RTN4IP1: variants seen among roughly 807,000 people sequenced by gnomAD.
RTN4IP1 encodes reticulon 4 interacting protein 1.
A neutral mutation model predicts 46.6 loss-of-function variants in RTN4IP1; 32 were observed. The observed-to-expected ratio is 0.69, with a 90% CI of 0.52 to 0.92. The LOEUF is 0.92. Among genes scored for constraint, RTN4IP1 ranks in the 40% least tolerant of loss-of-function variants. The probability of loss-of-function intolerance (pLI) is 0.00; values close to 1 mark genes in which losing one functional copy is unlikely to be tolerated. For synonymous variants in RTN4IP1, 167 were observed against 161.8 expected (o/e 1.03, Z -0.24); for missense variants, 424 against 485.8 (o/e 0.87, Z 1.20).
At chr6:106,611,423 C>T (rs957952772) in intron 4 of RTN4IP1, among the ~76,000 whole-genome samples, 2 of 152,134 alleles carry the variant, frequency 1.3e-5, no homozygotes, top group Admixed American at 6.5e-5. Context: ...CTATTAAATC[C>T]TAATGACTTA....
intron 5 of RTN4IP1, among the ~76,000 whole-genome samples, chr6:106,594,388 G>C (rs995912144): frequency 1.3e-5 from 2 of 151,960 alleles, no homozygotes; most frequent in Admixed American, 1.3e-4. Flanking sequence ...GCATGCCTGT[G>C]GTCCCAGCTA....
intron 5 of RTN4IP1, among the ~76,000 whole-genome samples, chr6:106,594,500 AT>A (rs1027071364): frequency 3.9e-5 from 6 of 151,916 alleles, no homozygotes; most frequent in African/African-American, 1.5e-4. Flanking sequence ...ACAGAGTGAG[AT>A]TCTGTCTCAA....
chr6:106,590,810 G>A (rs1027605046), intron 6 of RTN4IP1, among the ~76,000 whole-genome samples: 14 of 149,332 alleles, frequency 9.4e-5, no homozygotes, highest in African/African-American at 2.4e-4. Flanking sequence ...CTCTCAAGGC[G>A]CCCAAAGAGG....
chr6:106,598,503 A>C (rs2114650229), intron 5 of RTN4IP1, among the ~76,000 whole-genome samples: 1 of 150,566 alleles, frequency 6.6e-6, no homozygotes, highest in South Asian at 2.1e-4. Flanking sequence ...TCTTTTGAGA[A>C]GTGTCTGTTC....
intron 4 of RTN4IP1, among the ~76,000 whole-genome samples, chr6:106,607,266 G>T (rs1776101848): frequency 6.6e-6 from 1 of 151,140 alleles, no homozygotes; most frequent in Non-Finnish European, 1.5e-5. Context: ...ATGAATTAAA[G>T]ACTTAAACAT....
At chr6:106,605,872 G>A (rs1189483451) in intron 4 of RTN4IP1, among the ~76,000 whole-genome samples, 4 of 147,278 alleles carry the variant, frequency 2.7e-5, no homozygotes, top group Middle Eastern at 3.6e-3. Flanking sequence ...ACACTACTGC[G>A]CTCACCCAGG....
At position 106,619,461 on chromosome 6, in the gene RTN4IP1, G is replaced by A. The variant is rs188344754; in HGVS notation, c.496-135C>T. 304 of 1,005,598 alleles carry A rather than the reference G, an allele frequency of 3.0e-4. No individual in the cohort carries two copies. In the South Asian group the frequency reaches 4.7e-3, roughly 15 times the overall value. 62.3% of individuals were successfully genotyped at this position (1,005,598 alleles called of 1,614,324 possible). A position where few individuals can be genotyped will look rare whatever the true frequency, so the allele number is the denominator to read the frequency against. On this transcript the variant is annotated intron_variant, in intron 3 of 8. Transcript: ENST00000369063. ...TTGAATTGTGCAAGTCCACTTATAC[G>A]TGGATTTCCTGCCTCTGCCACCTCT... is the stretch of plus-strand genomic sequence containing the variant.
intron 5 of RTN4IP1, among the ~76,000 whole-genome samples, chr6:106,599,564 C>T (rs1331931235): frequency 1.3e-5 from 2 of 151,658 alleles, no homozygotes; most frequent in Non-Finnish European, 2.9e-5. Context: ...TGTACTTTTG[C>T]ATCTGATTTC....
chr6:106,613,471 G>A (rs908833340), intron 4 of RTN4IP1, among the ~76,000 whole-genome samples: 1 of 152,172 alleles, frequency 6.6e-6, no homozygotes, highest in Non-Finnish European at 1.5e-5. Context: ...TTAAAAAAAT[G>A]TAAGAATTTA....
At position 106,587,678 on chromosome 6, in the gene RTN4IP1, CCT is replaced by C. The variant is rs777185070; in HGVS notation, c.989_990del (p.Lys330ThrfsTer22). 1 of 1,607,076 alleles carries C rather than the reference CCT, an allele frequency of 6.2e-7. No individual in the cohort carries two copies. Among genetic ancestry groups the C allele is most frequent in the Non-Finnish European group, 8.5e-7 (1 of 1,176,226 alleles). On this transcript the variant is annotated frameshift_variant and splice_region_variant, in exon 7 of 9. Transcript: ENST00000369063. LOFTEE classifies it high-confidence loss of function. ...TCACCAACCAAGACCCTTCTTCCTA[CCT>C]TTAATGCCTTTGAACCTACAGTGAC... ...TGVTVGSKAL[K>X]HFWKGVHYRW... is the part of the protein sequence containing the mutation.
At position 106,594,794 on chromosome 6, in the gene RTN4IP1, T is replaced by C. The variant is rs111813191; in HGVS notation, c.670-2494A>G. Among the ~76,000 whole-genome samples, 417 of 152,220 alleles carry C rather than the reference T, an allele frequency of 2.7e-3. 4 individuals are homozygous for C. Among genetic ancestry groups the C allele is most frequent in the African/African-American group, 9.5e-3 (394 of 41,546 alleles). ...TTTAAATCTCTTTTTTTATTATTTA[T>C]TTTTGGGTTGTTTTGGTTTTTTATT... On this transcript the variant is annotated intron_variant, in intron 5 of 8. Coordinates refer to ENST00000369063, the MANE Select transcript of RTN4IP1 (RefSeq NM_032730.5).
At chr6:106,612,532 C>T (rs531471478) in intron 4 of RTN4IP1, among the ~76,000 whole-genome samples, 13 of 151,870 alleles carry the variant, frequency 8.6e-5, no homozygotes, top group Non-Finnish European at 1.8e-4. Flanking sequence ...GGAACCCTAG[C>T]AATATTTTGC....
At chr6:106,629,638 C>T (rs767932701), upstream of RTN4IP1, 11 of 1,581,998 alleles carry the variant, frequency 7.0e-6, no homozygotes, top group African/African-American at 5.4e-5. Context: ...ACCTCTTTTT[C>T]CCCCTTGCCT....
chr6:106,623,055 T>C, intron 1 of RTN4IP1, 86 bp from the exon 2 acceptor site: 1 of 1,315,548 alleles, frequency 7.6e-7, no homozygotes, highest in Non-Finnish European at 1.1e-6. Context: ...CAGTACAATT[T>C]TAGGTCTTCA....
intron 4 of RTN4IP1, among the ~76,000 whole-genome samples, chr6:106,612,356 C>A (rs1226468504): frequency 2.4e-5 from 3 of 126,366 alleles, no homozygotes. Flanking sequence ...CACTGCACAC[C>A]AACCTGGGCG....
At chr6:106,627,385 C>G (rs1776674218) in intron 1 of RTN4IP1, among the ~76,000 whole-genome samples, 1 of 152,096 alleles carries the variant, frequency 6.6e-6, no homozygotes, top group South Asian at 2.1e-4. Flanking sequence ...GTAAAAATTA[C>G]TCATAGATAA....
intron 2 of RTN4IP1, among the ~76,000 whole-genome samples, chr6:106,622,564 T>C (rs191516527): frequency 6.6e-6 from 1 of 152,352 alleles, no homozygotes; most frequent in East Asian, 1.9e-4. Flanking sequence ...TCTCTACTGC[T>C]GCAGAGGCAG....
chr6:106,582,623 A>G (rs1775396105), intron 8 of RTN4IP1, among the ~76,000 whole-genome samples: 1 of 152,174 alleles, frequency 6.6e-6, no homozygotes, highest in Admixed American at 6.5e-5. Context: ...CATAAAAAAT[A>G]TCAGCACCAG....
At chr6:106,576,903 C>T (rs567967369) in intron 8 of RTN4IP1, among the ~76,000 whole-genome samples, 3 of 152,170 alleles carry the variant, frequency 2.0e-5, no homozygotes, top group Admixed American at 2.0e-4. Context: ...CCACCATCTA[C>T]TGGGTCAAGT....
Sources: allele counts gnomAD v4.1 joint callset (sites outside exome capture counted in the v4.1 genomes callset), GRCh38; gene constraint gnomAD v4.1.1; transcripts MANE v1.5; gene names NCBI Gene and HGNC (gene_info 2026-07-23, HGNC 2026-07-21).